The following SLC9A5 variants were observed in gnomAD, a reference collection of about 807,000 sequenced individuals.
SLC9A5 encodes the protein solute carrier family 9 member A5.
In SLC9A5, 52 loss-of-function variants were observed where a neutral mutation model predicts 91.7. That is an observed-to-expected ratio of 0.57 (90% CI 0.45 to 0.71). The LOEUF (loss-of-function observed/expected upper bound fraction) is 0.71. Among genes scored for constraint, SLC9A5 ranks in the 30% least tolerant of loss-of-function variants. The probability of loss-of-function intolerance (pLI) is 0.00; values close to 1 mark genes in which losing one functional copy is unlikely to be tolerated. For missense variants in SLC9A5, 871 were observed against 1,158.9 expected (o/e 0.75, Z 3.61); for synonymous variants, 419 against 474.5 (o/e 0.88, Z 1.52).
chr16:67,259,759 G>T, intron 11 of SLC9A5, 61 bp from the exon 12 acceptor site: 1 of 1,595,566 alleles, frequency 6.3e-7, no homozygotes, highest in East Asian at 2.2e-5. Flanking sequence ...CTTTTCATCT[G>T]CCCTTCTCCT....
At position 67,258,575 on chromosome 16, in the gene SLC9A5, T is replaced by C; in HGVS notation, c.1626+128T>C. The C allele has an allele frequency of 9.9e-6, 11 of 1,107,082 alleles. No individual in the cohort carries two copies. In the South Asian group the frequency reaches 1.5e-4, roughly 15 times the overall value. 68.6% of individuals were successfully genotyped at this position (1,107,082 alleles called of 1,614,324 possible). ...GGAATTCCTAGCTGGCTCCATGGTC[T>C]GGTGAAGTGGCAGCGGCAGGAAGCA... On this transcript the variant is annotated intron_variant, in intron 10 of 15. Coordinates refer to ENST00000299798, the MANE Select transcript of SLC9A5 (RefSeq NM_004594.3). The surrounding 1 kb of genome is among the most constrained non-coding windows in gnomAD (Gnocchi z 4.5).
rs2035390462 is a variant in SLC9A5, at chr16:67,258,260, G to A, written c.1497-58G>A. ...GGTGTCCTTGCCCCGTCTGAGGAAG[G>A]GCCACCTGGCCAGGCCTTGGGAATG... is the stretch of plus-strand genomic sequence containing the variant. On this transcript the variant is annotated intron_variant, in intron 9 of 15. Coordinates refer to ENST00000299798, the MANE Select transcript of SLC9A5 (RefSeq NM_004594.3). The surrounding 1 kb of genome is among the most constrained non-coding windows in gnomAD (Gnocchi z 4.5). The A allele has an allele frequency of 1.3e-6, 2 of 1,599,556 alleles. No individual in the cohort carries two copies. The highest frequency in any genetic ancestry group is 1.7e-6 in the Non-Finnish European group (2 of 1,172,228).
At chr16:67,265,594 T>C (rs8053227) in intron 14 of SLC9A5, among the ~76,000 whole-genome samples, 18,669 of 152,102 alleles carry the variant, frequency 0.12, 2,544 homozygotes, top group African/African-American at 0.34. Flanking sequence ...AATTTTTTTT[T>C]GTATTTTTGG....
In SLC9A5 at chr16:67,264,437, G is replaced by A. The variant is rs769149966; in HGVS notation, c.1928G>A (p.Arg643Gln). Residue 643 changes from arginine to glutamine, a missense_variant, in exon 13 of 16, where the codon CGG becomes CAG. Physicochemically the swap from Arg to Gln is conservative, Grantham distance 43. Around this residue, in one of 3 missense-constraint regions of SLC9A5, gnomAD observed 454 missense variants for 718.3 expected, o/e 0.63. Transcript: ENST00000299798. ...GAGGTCTTCCAGCAGAACATGAAGCGGCGGCTGGAGTCCTTTAAGTCCACC... is the reference window on the plus strand; with the variant it reads ...GAGGTCTTCCAGCAGAACATGAAGCAGCGGCTGGAGTCCTTTAAGTCCACC... ...DKEVFQQNMK[R>Q]RLESFKSTKH... 2.9e-5 allele frequency: 47 copies of A among 1,614,004 alleles called. 1 individual carries two copies. The South Asian group carries it at 3.3e-4, about 11-fold the overall frequency.
chr16:67,270,826 G>A lies in SLC9A5; in HGVS notation c.2307G>A (p.Gly769=), dbSNP rs368981867. 3.7e-6 allele frequency: 6 copies of A among 1,614,000 alleles called. No homozygotes were observed. The East Asian group carries it at 1.3e-4, about 36-fold the overall frequency. ...EKELPWKSGQ[G]DLAVYVSSET... The stretch of plus-strand genomic sequence containing the variant: ...AGCTCCCCTGGAAGAGTGGGCAGGG[G>A]GACCTGGCAGTGTACGTGTCCTCGG... The change falls in exon 16 of 16, where the codon GGG becomes GGA. Residue 769 remains glycine, a synonymous_variant. Transcript: ENST00000299798. The surrounding 1 kb of genome is among the most constrained non-coding windows in gnomAD (Gnocchi z 4.3).
At position 67,257,726 on chromosome 16, in the gene SLC9A5, G is replaced by A; in HGVS notation, c.1496+125G>A. ...TCAGGCTGGGTGACCTCTGCCTGAA[G>A]CCCTTCAGTGGCATCCCAGTGCTCT... On this transcript the variant is annotated intron_variant, in intron 9 of 15. Coordinates refer to ENST00000299798, the MANE Select transcript of SLC9A5 (RefSeq NM_004594.3). This position sits in a 1 kb window ranked among gnomAD's most constrained non-coding sequence, Gnocchi z 5.1. The A allele has an allele frequency of 1.1e-6, 1 of 927,604 alleles. No homozygotes were observed. Among genetic ancestry groups the A allele is most frequent in the Non-Finnish European group, 1.7e-6 (1 of 591,418 alleles). 57.5% of individuals were successfully genotyped at this position (927,604 alleles called of 1,614,324 possible).
chr16:67,259,097 A>G (rs1009965402), intron 10 of SLC9A5, among the ~76,000 whole-genome samples: 3 of 152,004 alleles, frequency 2.0e-5, no homozygotes, highest in Non-Finnish European at 4.4e-5. Context: ...CGTCTCTACT[A>G]AAAATACAAA....
intron 14 of SLC9A5, 55 bp from the exon 15 acceptor site, chr16:67,266,033 C>T (rs1597362547): frequency 6.2e-7 from 1 of 1,603,070 alleles, no homozygotes; most frequent in Non-Finnish European, 8.5e-7. Flanking sequence ...GCTGTGTAGT[C>T]CCAACAGGCA....
rs568039765 is a variant in SLC9A5, at chr16:67,264,039, G to T, written c.1843-313G>T. Among the ~76,000 whole-genome samples the T allele has an allele frequency of 9.5e-4, 145 of 152,296 alleles. 1 individual carries two copies. The highest frequency in any genetic ancestry group is 3.3e-3 in the African/African-American group (137 of 41,568). On this transcript the variant is annotated intron_variant, in intron 12 of 15. Transcript: ENST00000299798. ...GTACAAAGAAAATGTCCCCCATGTT[G>T]TCACAGTAGTAGAACAAGACAGAGG...
chr16:67,257,294 G>A lies in SLC9A5; in HGVS notation c.1336-51G>A. The A allele has an allele frequency of 6.6e-7, 1 of 1,508,632 alleles. No homozygotes were observed. The allele number at this position is 1,508,632 out of a possible 1,614,324, so 93.5% of individuals were successfully genotyped here. On this transcript the variant is annotated intron_variant, in intron 7 of 15. Transcript: ENST00000299798. This position sits in a 1 kb window ranked among gnomAD's most constrained non-coding sequence, Gnocchi z 5.1. Reference sequence around the variant, plus strand: ...GCCTCATTACGGGGAGAGAAAGGCAGCAGGGAACTGAATAGGAATAGGGCA... The same window carrying A: ...GCCTCATTACGGGGAGAGAAAGGCAACAGGGAACTGAATAGGAATAGGGCA...
Position 67,264,334 on chromosome 16 carries a change from C to G in SLC9A5, c.1843-18C>G, listed in dbSNP as rs776197830. 1 of 1,611,726 alleles carries G rather than the reference C, an allele frequency of 6.2e-7. No individual in the cohort carries two copies. Among genetic ancestry groups the G allele is most frequent in the Non-Finnish European group, 8.5e-7 (1 of 1,178,684 alleles). The stretch of plus-strand genomic sequence containing the variant: ...CAAGGCATCCATCCTCATAGCCAGG[C>G]GGGGCTGTCATTGCCAGTACAAAGC... On this transcript the variant is annotated intron_variant, in intron 12 of 15. Coordinates refer to ENST00000299798, the MANE Select transcript of SLC9A5 (RefSeq NM_004594.3).
At chr16:67,268,676 ATATATATATATATAT>A (rs1462866707) in intron 15 of SLC9A5, among the ~76,000 whole-genome samples, 9 of 47,036 alleles carry the variant, frequency 1.9e-4, no homozygotes, top group African/African-American at 1.2e-3. Flanking sequence ...ATATATATAT[ATATATATATATATAT>A]ATATATATAT....
At position 67,258,186 on chromosome 16, in the gene SLC9A5, G is replaced by C. The variant is rs546727203; in HGVS notation, c.1497-132G>C. 4.0e-5 allele frequency: 33 copies of C among 820,394 alleles called. No individual in the cohort carries two copies. Among genetic ancestry groups the C allele is most frequent in the Non-Finnish European group, 5.8e-5 (30 of 513,968 alleles). The allele number at this position is 820,394 out of a possible 1,614,324, so 50.8% of individuals were successfully genotyped here. ...CCATGAGGGCAGGGACTAGCCTTGA[G>C]ATTCTCTCTGGCTGAGGCCCATATC... On this transcript the variant is annotated intron_variant, in intron 9 of 15. Coordinates refer to ENST00000299798, the MANE Select transcript of SLC9A5 (RefSeq NM_004594.3). This position sits in a 1 kb window ranked among gnomAD's most constrained non-coding sequence, Gnocchi z 4.5.
intron 12 of SLC9A5, chr16:67,262,241 T>C (rs1173995797): frequency 2.2e-6 from 1 of 457,434 alleles, no homozygotes; most frequent in Non-Finnish European, 4.4e-6. Context: ...CCCTGTGGCA[T>C]GCTACTAAAG....
At chr16:67,259,682 C>T (rs773954927) in intron 11 of SLC9A5, 21 bp downstream of exon 11, 2 of 1,610,768 alleles carry the variant, frequency 1.2e-6, no homozygotes, top group South Asian at 1.1e-5. Context: ...GAGCCCCTTC[C>T]CCTTCCTCAT....
chr16:67,257,446 A>G lies in SLC9A5; in HGVS notation c.1425+12A>G. ...AGCTGCATGAACACGTGGGTATCAGAACCCCAGCCCTCGCCTGTCCCTCTC... is the reference window on the plus strand; with the variant it reads ...AGCTGCATGAACACGTGGGTATCAGGACCCCAGCCCTCGCCTGTCCCTCTC... On this transcript the variant is annotated intron_variant, in intron 8 of 15. Coordinates refer to ENST00000299798, the MANE Select transcript of SLC9A5 (RefSeq NM_004594.3). This position sits in a 1 kb window ranked among gnomAD's most constrained non-coding sequence, Gnocchi z 5.1. 6.2e-7 allele frequency: 1 copy of G among 1,614,010 alleles called. No homozygotes were observed. The highest frequency in any genetic ancestry group is 2.2e-5 in the East Asian group (1 of 44,878).
In SLC9A5 at chr16:67,257,247, G is replaced by C; in HGVS notation, c.1336-98G>C. 2.2e-6 allele frequency: 3 copies of C among 1,357,522 alleles called. No individual in the cohort carries two copies. The highest frequency in any genetic ancestry group is 3.1e-6 in the Non-Finnish European group (3 of 955,746). 84.1% of individuals were successfully genotyped at this position (1,357,522 alleles called of 1,614,324 possible). A position where few individuals can be genotyped will look rare whatever the true frequency, so the allele number is the denominator to read the frequency against. On this transcript the variant is annotated intron_variant, in intron 7 of 15. Coordinates refer to ENST00000299798, the MANE Select transcript of SLC9A5 (RefSeq NM_004594.3). This position sits in a 1 kb window ranked among gnomAD's most constrained non-coding sequence, Gnocchi z 5.1. The stretch of plus-strand genomic sequence containing the variant: ...GACTTCCCAGACCTTGAGTGCAGTG[G>C]GGTAGGGGTACTGAAGCTGAAGCCT...
Position 67,256,032 on chromosome 16 carries a change from C to T in SLC9A5, c.911+102C>T, listed in dbSNP as rs1473278818. ...AGGAACTTCAGGAGTCCATAGGTTT[C>T]CCTGAGCCCTTGTGGTAGTGGGAGC... is the stretch of plus-strand genomic sequence containing the variant. On this transcript the variant is annotated intron_variant, in intron 5 of 15. Coordinates refer to ENST00000299798, the MANE Select transcript of SLC9A5 (RefSeq NM_004594.3). The surrounding 1 kb of genome is among the most constrained non-coding windows in gnomAD (Gnocchi z 4.1). The T allele has an allele frequency of 1.6e-6, 2 of 1,284,812 alleles. No homozygotes were observed. The highest frequency in any genetic ancestry group is 2.1e-5 in the Admixed American group (1 of 46,532). The allele number at this position is 1,284,812 out of a possible 1,614,324, so 79.6% of individuals were successfully genotyped here. A position where few individuals can be genotyped will look rare whatever the true frequency, so the allele number is the denominator to read the frequency against.
In SLC9A5 at chr16:67,258,448, G is replaced by A. The variant is rs770328812; in HGVS notation, c.1626+1G>A. The A allele has an allele frequency of 1.2e-5, 19 of 1,613,996 alleles. No individual in the cohort carries two copies. The highest frequency in any genetic ancestry group is 1.4e-5 in the Non-Finnish European group (16 of 1,180,006). On this transcript the variant is annotated splice_donor_variant, in intron 10 of 15. Transcript: ENST00000299798. LOFTEE classifies it high-confidence loss of function. This position sits in a 1 kb window ranked among gnomAD's most constrained non-coding sequence, Gnocchi z 4.5. ...GGATGCCATCAGCTTTGTGGACCAG[G>A]TGGGCCAGCAGCTTCCAGGTGGGCC...
Sources: gnomAD v4.1 joint callset for allele counts (sites outside exome capture counted in the v4.1 genomes callset) on GRCh38, gnomAD v4.1.1 for gene constraint, gnomAD v4.1.1 regional missense constraint, Gnocchi (gnomAD v3.1) non-coding constraint, MANE v1.5 for transcripts, NCBI Gene and HGNC (gene_info 2026-07-23, HGNC 2026-07-21) for gene names.